DRC1: variants seen among roughly 807,000 people sequenced by gnomAD.
DRC1 encodes dynein regulatory complex protein 1.
A neutral mutation model predicts 98.7 loss-of-function variants in DRC1; 74 were observed. The ratio of observed to expected loss-of-function variants is 0.75; its 90% CI spans 0.62 to 0.91. The LOEUF (loss-of-function observed/expected upper bound fraction) is 0.91. Among genes scored for constraint, DRC1 ranks in the 40% least tolerant of loss-of-function variants. The probability of loss-of-function intolerance (pLI) is 0.00; values close to 1 mark genes in which losing one functional copy is unlikely to be tolerated. For synonymous variants in DRC1, 336 were observed against 334.1 expected (o/e 1.01, Z -0.06); for missense variants, 875 against 886.0 (o/e 0.99, Z 0.16).
intron 1 of DRC1, among the ~76,000 whole-genome samples, chr2:26,408,909 TA>T (rs942828104): frequency 6.6e-6 from 1 of 151,982 alleles, no homozygotes; most frequent in Non-Finnish European, 1.5e-5. Flanking sequence ...CCGTCAGCTT[TA>T]AAAAAAATTT....
At chr2:26,448,047 A>G (rs990757246) in intron 10 of DRC1, among the ~76,000 whole-genome samples, 6 of 150,914 alleles carry the variant, frequency 4.0e-5, no homozygotes, top group Non-Finnish European at 7.4e-5. Context: ...CAATGTGGCA[A>G]AACCCCATCT....
At chr2:26,447,720 C>G (rs554129477) in intron 10 of DRC1, among the ~76,000 whole-genome samples, 1 of 151,306 alleles carries the variant, frequency 6.6e-6, no homozygotes, top group African/African-American at 2.4e-5. Flanking sequence ...GTGCGTGCCA[C>G]CATGCCCAGC....
chr2:26,413,241 T>C (rs571411049), intron 1 of DRC1, among the ~76,000 whole-genome samples: 9 of 152,338 alleles, frequency 5.9e-5, no homozygotes, highest in Admixed American at 3.9e-4. Flanking sequence ...TTCTCTTAAT[T>C]AGTCAGCTAC....
intron 6 of DRC1, among the ~76,000 whole-genome samples, chr2:26,431,616 T>C (rs2147992111): frequency 6.6e-6 from 1 of 152,324 alleles, no homozygotes; most frequent in South Asian, 2.1e-4. Flanking sequence ...CTTTTCTTTT[T>C]TTTTTCAAAT....
chr2:26,413,361 C>T (rs941155990), intron 1 of DRC1, among the ~76,000 whole-genome samples: 1 of 152,100 alleles, frequency 6.6e-6, no homozygotes, highest in Non-Finnish European at 1.5e-5. Context: ...GTAAAAAATT[C>T]CTAAAGAAAG....
At chr2:26,405,551 C>T (rs1203033643) in intron 1 of DRC1, among the ~76,000 whole-genome samples, 1 of 150,212 alleles carries the variant, frequency 6.7e-6, no homozygotes, top group African/African-American at 2.5e-5. Flanking sequence ...TGAGAAAGAG[C>T]TGTCAATGTA....
intron 10 of DRC1, among the ~76,000 whole-genome samples, chr2:26,445,979 C>T (rs895512088): frequency 2.6e-5 from 4 of 151,966 alleles, no homozygotes; most frequent in African/African-American, 4.8e-5. Context: ...TTTTTTTTAA[C>T]AGCGTCCTGG....
chr2:26,446,489 A>T (rs1663855346), intron 10 of DRC1, among the ~76,000 whole-genome samples: 1 of 152,078 alleles, frequency 6.6e-6, no homozygotes, highest in African/African-American at 2.4e-5. Flanking sequence ...AGAGTATAGG[A>T]TTTCTTTTTT....
Position 26,448,788 on chromosome 2 carries a change from C to G in DRC1, c.1494C>G (p.Leu498=), listed in dbSNP as rs1254657756. The change falls in exon 11 of 17, where the codon CTC becomes CTG. Residue 498 remains leucine, a synonymous_variant. Coordinates refer to ENST00000288710, the MANE Select transcript of DRC1 (RefSeq NM_145038.5). ...AAACTACCAAGAGGATCCTGATGCTCCTGTGTGACGAGTCGGTGAGGCCAG... is the reference window on the plus strand; with the variant it reads ...AAACTACCAAGAGGATCCTGATGCTGCTGTGTGACGAGTCGGTGAGGCCAG... The part of the protein sequence containing the change: ...SEKTTKRILM[L]LCDESGFLIE... The G allele has an allele frequency of 6.2e-7, 1 of 1,614,066 alleles. No individual in the cohort carries two copies. The highest frequency in any genetic ancestry group is 8.5e-7 in the Non-Finnish European group (1 of 1,180,046).
intron 10 of DRC1, among the ~76,000 whole-genome samples, 188 bp downstream of exon 10, chr2:26,445,136 G>A (rs184400711): frequency 6.6e-6 from 1 of 152,336 alleles, no homozygotes; most frequent in Non-Finnish European, 1.5e-5. Context: ...GTTAGGTCTA[G>A]AAGCTTGATC....
intron 2 of DRC1, among the ~76,000 whole-genome samples, chr2:26,420,768 T>TC (rs1374455551): frequency 1.4e-5 from 2 of 147,360 alleles, no homozygotes; most frequent in Non-Finnish European, 3.0e-5. Flanking sequence ...TTCTTCTTCT[T>TC]TTTTTTTTTT....
chr2:26,444,176 A>G, intron 8 of DRC1, 46 bp from the exon 9 acceptor site: 1 of 1,612,512 alleles, frequency 6.2e-7, no homozygotes, highest in African/African-American at 1.3e-5. Flanking sequence ...AACATACATA[A>G]TACCTTCTAT....
intron 7 of DRC1, 70 bp from the exon 8 acceptor site, chr2:26,440,308 A>G: frequency 1.4e-6 from 2 of 1,381,744 alleles, no homozygotes; most frequent in Non-Finnish European, 1.9e-6. Flanking sequence ...GCAGGTGTAG[A>G]GTTAGTGTGT....
At chr2:26,429,927 A>G (rs1663389686) in intron 5 of DRC1, among the ~76,000 whole-genome samples, 162 bp downstream of exon 5, 5 of 152,186 alleles carry the variant, frequency 3.3e-5, no homozygotes, top group Admixed American at 3.3e-4. Context: ...ATTCATTCAT[A>G]TGACAAGTAC....
At chr2:26,405,970 A>G (rs957040873) in intron 1 of DRC1, among the ~76,000 whole-genome samples, 3 of 151,952 alleles carry the variant, frequency 2.0e-5, no homozygotes, top group African/African-American at 7.3e-5. Context: ...TCTATTCTTT[A>G]TTAGTGGTTG....
chr2:26,412,736 T>C (rs1489835256), intron 1 of DRC1, among the ~76,000 whole-genome samples: 1 of 152,198 alleles, frequency 6.6e-6, no homozygotes, highest in Non-Finnish European at 1.5e-5. Flanking sequence ...TTGTCATATA[T>C]ACTTCCAGAA....
intron 3 of DRC1, among the ~76,000 whole-genome samples, chr2:26,421,984 A>G (rs2147985848): frequency 6.6e-6 from 1 of 152,352 alleles, no homozygotes; most frequent in East Asian, 1.9e-4. Context: ...GTCAAGAGAC[A>G]CATGGAAACA....
rs1020184395 is a variant in DRC1 at position 26,429,564 on chromosome 2, G to A, written c.541-64G>A. On this transcript the variant is annotated intron_variant, in intron 4 of 16. Transcript: ENST00000288710. ...GATTCTGGTGAGAGGAGTCTAGAGA[G>A]AGTGTTTGGCACCTTCTGCTCCTGA... 3 of 1,586,334 alleles carry A rather than the reference G, an allele frequency of 1.9e-6. No homozygotes were observed. In the Admixed American group the frequency reaches 5.1e-5, roughly 27 times the overall value.
intron 6 of DRC1, among the ~76,000 whole-genome samples, chr2:26,431,505 A>C (rs2147992073): frequency 6.6e-6 from 1 of 152,262 alleles, no homozygotes; most frequent in South Asian, 2.1e-4. Flanking sequence ...TGGGATTATC[A>C]CTTTATTTCA....
Sources: allele counts gnomAD v4.1 joint callset (sites outside exome capture counted in the v4.1 genomes callset), GRCh38; gene constraint gnomAD v4.1.1; transcripts MANE v1.5; gene names NCBI Gene and HGNC (gene_info 2026-07-23, HGNC 2026-07-21).